The following KCNQ1 variants were observed in gnomAD, a reference collection of about 807,000 sequenced individuals.
The protein encoded by KCNQ1 is potassium voltage-gated channel subfamily KQT member 1.
KCNQ1 carries 49 observed loss-of-function variants against 72.4 expected under a neutral mutation model. The observed-to-expected ratio is 0.68, with a 90% confidence interval of 0.54 to 0.86. The LOEUF (loss-of-function observed/expected upper bound fraction) is 0.86. KCNQ1 is among the 40% of genes least tolerant of loss of function. The pLI is 0.00. For missense variants in KCNQ1, 790 were observed against 945.1 expected (o/e 0.84, Z 2.15); for synonymous variants, 450 against 412.6 (o/e 1.09, Z -1.10).
Position 2,781,034 on chromosome 11 carries a change from C to T in KCNQ1, c.1794+2997C>T, listed in dbSNP as rs1404530842. 6.6e-6 allele frequency among the ~76,000 whole-genome samples: 1 copy of T among 152,118 alleles called. No individual in the cohort carries two copies. The highest frequency in any genetic ancestry group is 1.9e-4 in the East Asian group (1 of 5,166). ...CAGAAACCCACCCACACCCGCAGAT[C>T]CAGGGGCCTCCTCACAGCGAGTCTA... On this transcript the variant is annotated intron_variant, in intron 15 of 15. Coordinates refer to ENST00000155840, the MANE Select transcript of KCNQ1 (RefSeq NM_000218.3). The surrounding 1 kb of genome is among the most constrained non-coding windows in gnomAD (Gnocchi z 6.6).
Position 2,536,725 on chromosome 11 carries a change from C to A in KCNQ1, c.477+8707C>A, listed in dbSNP as rs1038969089. Among the ~76,000 whole-genome samples the A allele has an allele frequency of 6.6e-6, 1 of 150,858 alleles. No individual in the cohort carries two copies. Among genetic ancestry groups the A allele is most frequent in the African/African-American group, 2.5e-5 (1 of 40,200 alleles). On this transcript the variant is annotated intron_variant, in intron 2 of 15. Transcript: ENST00000155840. This position sits in a 1 kb window ranked among gnomAD's most constrained non-coding sequence, Gnocchi z 7.4. ...GAGGGACCGCTGGGCCTATCTCCAG[C>A]CACGTGGGTCGCGAGAGTCGACCTG...
At chr11:2,501,247 GT>G (rs55653039) in intron 1 of KCNQ1, among the ~76,000 whole-genome samples, 32 of 149,010 alleles carry the variant, frequency 2.1e-4, no homozygotes, top group African/African-American at 6.1e-4. Flanking sequence ...TAAAAAGTTG[GT>G]TTTTTTTTTA....
Position 2,647,156 on chromosome 11 carries a change from T to C in KCNQ1, c.1394-14805T>C, listed in dbSNP as rs898321892. On this transcript the variant is annotated intron_variant, in intron 10 of 15. Transcript: ENST00000155840. The surrounding 1 kb of genome is among the most constrained non-coding windows in gnomAD (Gnocchi z 4.0). ...TGAGTTATGTTCCTTCTAGACATTATGTGATGAGCTTTTTTTTTTATCATG... is the reference window on the plus strand; with the variant it reads ...TGAGTTATGTTCCTTCTAGACATTACGTGATGAGCTTTTTTTTTTATCATG... The C allele has an allele frequency of 2.3e-5, 9 of 398,186 alleles. No individual in the cohort carries two copies. Among genetic ancestry groups the C allele is most frequent in the Non-Finnish European group, 3.5e-5 (8 of 226,034 alleles). The allele number at this position is 398,186 out of a possible 1,614,324, so 24.7% of individuals were successfully genotyped here. A position where few individuals can be genotyped will look rare whatever the true frequency, so the allele number is the denominator to read the frequency against.
intron 6 of KCNQ1, among the ~76,000 whole-genome samples, chr11:2,575,875 G>T (rs1848416021): frequency 6.6e-6 from 1 of 152,350 alleles, no homozygotes; most frequent in African/African-American, 2.4e-5. Flanking sequence ...AGAAACTCAT[G>T]GGCTCTAGAG....
intron 15 of KCNQ1, among the ~76,000 whole-genome samples, chr11:2,833,634 C>G (rs1335674570): frequency 1.3e-5 from 2 of 152,236 alleles, no homozygotes; most frequent in African/African-American, 4.8e-5. Context: ...ACTCCATTTG[C>G]AGCCCCTGTC....
intron 11 of KCNQ1, among the ~76,000 whole-genome samples, chr11:2,727,897 G>A (rs1418142017): frequency 6.6e-6 from 1 of 152,150 alleles, no homozygotes; most frequent in Non-Finnish European, 1.5e-5. Context: ...TTGCTGTGGA[G>A]GCAGAGGGAG....
rs560578185 is a variant in KCNQ1, at chr11:2,665,674, C to T, written c.1514+3593C>T. 26 of 398,086 alleles carry T rather than the reference C, an allele frequency of 6.5e-5. No homozygotes were observed. Among genetic ancestry groups the T allele is most frequent in the Middle Eastern group, 6.3e-4 (1 of 1,588 alleles). 24.7% of individuals were successfully genotyped at this position (398,086 alleles called of 1,614,324 possible). A position where few individuals can be genotyped will look rare whatever the true frequency, so the allele number is the denominator to read the frequency against. On this transcript the variant is annotated intron_variant, in intron 11 of 15. Transcript: ENST00000155840. ...CTCAGTACCAGTTCCCTAAGCCTTT[C>T]GAATGGTGCCAGGAGGGAGAAGGGC...
chr11:2,621,541 C>G lies in KCNQ1; in HGVS notation c.1393+32687C>G, dbSNP rs1849172594. 2 of 398,372 alleles carry G rather than the reference C, an allele frequency of 5.0e-6. No individual in the cohort carries two copies. The highest frequency in any genetic ancestry group is 3.6e-5 in the East Asian group (1 of 28,058). 24.7% of individuals were successfully genotyped at this position (398,372 alleles called of 1,614,324 possible). ...TAATTTCTTTTGCTATGCAGAAGCT[C>G]TTTAGTTTACCACTGTGATCTCTTT... On this transcript the variant is annotated intron_variant, in intron 10 of 15. Coordinates refer to ENST00000155840, the MANE Select transcript of KCNQ1 (RefSeq NM_000218.3). The surrounding 1 kb of genome is among the most constrained non-coding windows in gnomAD (Gnocchi z 5.7).
At position 2,661,642 on chromosome 11, in the gene KCNQ1, A is replaced by T; in HGVS notation, c.1394-319A>T. 1 of 592,140 alleles carries T rather than the reference A, an allele frequency of 1.7e-6. No homozygotes were observed. Among genetic ancestry groups the T allele is most frequent in the Non-Finnish European group, 3.0e-6 (1 of 332,286 alleles). The allele number at this position is 592,140 out of a possible 1,614,324, so 36.7% of individuals were successfully genotyped here. On this transcript the variant is annotated intron_variant, in intron 10 of 15. Coordinates refer to ENST00000155840, the MANE Select transcript of KCNQ1 (RefSeq NM_000218.3). The surrounding 1 kb of genome is among the most constrained non-coding windows in gnomAD (Gnocchi z 5.9). The stretch of plus-strand genomic sequence containing the variant: ...CTGTTTTATTCTTGACCCAAGTGTC[A>T]GTTGTGAACATGGGAAGAGGCCCAG...
intron 11 of KCNQ1, among the ~76,000 whole-genome samples, chr11:2,709,228 C>G (rs1454052646): frequency 7.2e-6 from 1 of 139,060 alleles, no homozygotes; most frequent in Non-Finnish European, 1.5e-5. Flanking sequence ...AGGCCCCCCC[C>G]ACCCCCACCC....
intron 15 of KCNQ1, among the ~76,000 whole-genome samples, chr11:2,841,871 T>C (rs1848220789): frequency 6.6e-6 from 1 of 152,104 alleles, no homozygotes; most frequent in African/African-American, 2.4e-5. Flanking sequence ...TCTTTCACCA[T>C]CTTGGGCCTC....
chr11:2,588,210 C>T lies in KCNQ1; in HGVS notation c.1252-503C>T, dbSNP rs1257308798. Among the ~76,000 whole-genome samples the T allele has an allele frequency of 3.3e-5, 5 of 152,026 alleles. No homozygotes were observed. The highest frequency in any genetic ancestry group is 1.2e-4 in the African/African-American group (5 of 41,378). On this transcript the variant is annotated intron_variant, in intron 9 of 15. Transcript: ENST00000155840. This position sits in a 1 kb window ranked among gnomAD's most constrained non-coding sequence, Gnocchi z 5.6. ...GTTGGGGCTGACGCTGGCATGGTTCCCCTTCCTGGCCCGTGCCCACCCCCT... is the reference window on the plus strand; with the variant it reads ...GTTGGGGCTGACGCTGGCATGGTTCTCCTTCCTGGCCCGTGCCCACCCCCT...
rs1851023970 is a variant in KCNQ1 at position 2,712,565 on chromosome 11, C to G, written c.1514+50484C>G. Among the ~76,000 whole-genome samples the G allele has an allele frequency of 6.6e-6, 1 of 152,138 alleles. No homozygotes were observed. Among genetic ancestry groups the G allele is most frequent in the Non-Finnish European group, 1.5e-5 (1 of 68,020 alleles). ...GCCCCAGCTGAATGCATGCTGGCGG[C>G]CCAAATGTTAGACACTCTTCTCTCT... is the stretch of plus-strand genomic sequence containing the variant. On this transcript the variant is annotated intron_variant, in intron 11 of 15. Transcript: ENST00000155840. The surrounding 1 kb of genome is among the most constrained non-coding windows in gnomAD (Gnocchi z 6.4).
chr11:2,725,902 C>T lies in KCNQ1; in HGVS notation c.1515-42942C>T, dbSNP rs559464995. Among the ~76,000 whole-genome samples, 11 of 152,328 alleles carry T rather than the reference C, an allele frequency of 7.2e-5. No homozygotes were observed. In the South Asian group the frequency reaches 2.1e-3, roughly 29 times the overall value. On this transcript the variant is annotated intron_variant, in intron 11 of 15. Coordinates refer to ENST00000155840, the MANE Select transcript of KCNQ1 (RefSeq NM_000218.3). This position sits in a 1 kb window ranked among gnomAD's most constrained non-coding sequence, Gnocchi z 7.2. ...TTGGAGAGGCAGGAGGCCAACTCCC[C>T]GCTCCTCAGATTCTGCTGAACTAAC...
At chr11:2,625,941 A>G in intron 10 of KCNQ1, 1 of 398,572 alleles carries the variant, frequency 2.5e-6, no homozygotes, top group Non-Finnish European at 4.4e-6. Context: ...TCTGGACATT[A>G]ATCCCTTATC....
chr11:2,680,448 G>A (rs1850376599), intron 11 of KCNQ1: 3 of 398,118 alleles, frequency 7.5e-6, no homozygotes, highest in South Asian at 1.3e-4. Context: ...ATTCATTTCT[G>A]GGTATTTTTA....
At chr11:2,832,857 G>C (rs1847980879) in intron 15 of KCNQ1, among the ~76,000 whole-genome samples, 1 of 152,106 alleles carries the variant, frequency 6.6e-6, no homozygotes, top group Non-Finnish European at 1.5e-5. Flanking sequence ...CACCGCCGTG[G>C]TCCACAGGGC....
At chr11:2,519,535 G>A (rs537006062) in intron 1 of KCNQ1, among the ~76,000 whole-genome samples, 5 of 152,118 alleles carry the variant, frequency 3.3e-5, no homozygotes, top group Admixed American at 6.5e-5. Flanking sequence ...TGGGAGGATC[G>A]CTTGAGCCCA....
intron 2 of KCNQ1, among the ~76,000 whole-genome samples, chr11:2,558,728 C>T (rs548116741): frequency 4.6e-5 from 7 of 152,246 alleles, no homozygotes; most frequent in East Asian, 1.9e-4. Context: ...AGTCGGCCCC[C>T]GTAAGGCACC....
Sources: allele counts gnomAD v4.1 joint callset (sites outside exome capture counted in the v4.1 genomes callset), GRCh38; gene constraint gnomAD v4.1.1; non-coding constraint Gnocchi (gnomAD v3.1); transcripts MANE v1.5; gene names NCBI Gene and HGNC (gene_info 2026-07-23, HGNC 2026-07-21).